Variants in SYNE2 observed in about 807,000 individuals in gnomAD.
The protein encoded by SYNE2 is spectrin repeat containing nuclear envelope protein 2, also known as nesprin-2.
A neutral mutation model predicts 856.3 loss-of-function variants in SYNE2; 431 were observed. That is an observed-to-expected ratio of 0.50 (90% CI 0.47 to 0.55). The LOEUF (loss-of-function observed/expected upper bound fraction) is 0.55, where lower values mean the gene tolerates loss of function less well. SYNE2 is among the 20% of genes least tolerant of loss of function. The pLI is 0.00. For missense variants in SYNE2, 8,129 were observed against 8,023.2 expected (o/e 1.01, Z -0.50); for synonymous variants, 2,923 against 2,872.3 (o/e 1.02, Z -0.56).
rs560595639 is a variant in SYNE2, at chr14:64,082,431, G to C, written c.11484+851G>C. On this transcript the variant is annotated intron_variant, in intron 57 of 115. Transcript: ENST00000555002. The stretch of plus-strand genomic sequence containing the variant: ...AATGCTTCTGGTCTCAAGCATTTCA[G>C]ATAAGGGCTACTCAGCCTGCAGCAG... Among the ~76,000 whole-genome samples, 824 of 151,692 alleles carry C rather than the reference G, an allele frequency of 5.4e-3. 10 individuals carry two copies. The highest frequency in any genetic ancestry group is 0.02 in the African/African-American group (804 of 41,130).
At chr14:64,111,312 T>C (rs1280849699) in intron 65 of SYNE2, among the ~76,000 whole-genome samples, 2 of 152,138 alleles carry the variant, frequency 1.3e-5, no homozygotes, top group Non-Finnish European at 2.9e-5. Flanking sequence ...TAGATTGTCT[T>C]AGATTAATTA....
At chr14:63,916,511 G>C (rs2095535282) in intron 2 of SYNE2, among the ~76,000 whole-genome samples, 1 of 152,050 alleles carries the variant, frequency 6.6e-6, no homozygotes, top group Admixed American at 6.5e-5. Flanking sequence ...GAATATTTTA[G>C]GTTTTCAATA....
chr14:64,037,585 C>A (rs1308717810), intron 45 of SYNE2, among the ~76,000 whole-genome samples: 2 of 151,908 alleles, frequency 1.3e-5, no homozygotes, highest in African/African-American at 2.4e-5. Flanking sequence ...CCCACCTTTC[C>A]CCCCTTTCTA....
chr14:64,061,203 T>G (rs1400443349), intron 49 of SYNE2, among the ~76,000 whole-genome samples: 1 of 152,234 alleles, frequency 6.6e-6, no homozygotes, highest in African/African-American at 2.4e-5. Context: ...TATTCAGCCA[T>G]CTTGCTCCTC....
Position 64,163,596 on chromosome 14 carries a change from T to G in SYNE2, c.16479+15T>G, listed in dbSNP as rs80199180. 3,776 of 1,613,814 alleles carry G rather than the reference T, an allele frequency of 2.3e-3. 144 individuals are homozygous for G. In the East Asian group the frequency reaches 0.07, roughly 30 times the overall value. Reference sequence around the variant, plus strand: ...ATGAATTTGAGGTTCATCTTTTCTTTCCATTCAAGTTTTAGTCTTAGACAT... The same window carrying G: ...ATGAATTTGAGGTTCATCTTTTCTTGCCATTCAAGTTTTAGTCTTAGACAT... On this transcript the variant is annotated intron_variant, in intron 89 of 115. Transcript: ENST00000555002.
intron 100 of SYNE2, 121 bp from the exon 101 acceptor site, chr14:64,208,637 A>G (rs1596235500): frequency 1.9e-6 from 2 of 1,028,916 alleles, no homozygotes; most frequent in East Asian, 4.9e-5. Flanking sequence ...CATGGTGGAA[A>G]TCCACCCAGG....
rs61091259 is a variant in SYNE2 at position 63,858,262 on chromosome 14, C to CTTTTTT, written c.-52+5146_-52+5151dup. Among the ~76,000 whole-genome samples the CTTTTTT allele has an allele frequency of 6.0e-4, 32 of 52,932 alleles. 1 individual carries two copies. The highest frequency in any genetic ancestry group is 7.3e-4 in the Non-Finnish European group (23 of 31,384). 34.7% of individuals were successfully genotyped at this position (52,932 alleles called of 152,430 possible). A position where few individuals can be genotyped will look rare whatever the true frequency, so the allele number is the denominator to read the frequency against. On this transcript the variant is annotated intron_variant, in intron 1 of 115. Transcript: ENST00000555002. ...TACAGGTGTGCGTCTCCACACCGGC[C>CTTTTTT]TTTTTTTTTTTTTTTTTTTTTTTTT...
chr14:63,843,044 T>C (rs1890121016), intron 1 of SYNE2, among the ~76,000 whole-genome samples: 1 of 152,146 alleles, frequency 6.6e-6, no homozygotes, highest in African/African-American at 2.4e-5. Context: ...TAATTTTTTT[T>C]TGAGATAGGG....
At chr14:64,094,319 G>A (rs978705649) in intron 61 of SYNE2, among the ~76,000 whole-genome samples, 15 of 151,762 alleles carry the variant, frequency 9.9e-5, no homozygotes, top group African/African-American at 3.6e-4. Context: ...GGGTGACAGA[G>A]TGAGACTCCG....
At chr14:64,202,018 C>A (rs1167379425) in intron 99 of SYNE2, among the ~76,000 whole-genome samples, 2 of 152,170 alleles carry the variant, frequency 1.3e-5, no homozygotes, top group East Asian at 3.9e-4. Context: ...ACATCACGTC[C>A]CCTTGACAGC....
intron 57 of SYNE2, chr14:64,087,454 T>A (rs1215467856): frequency 1.4e-6 from 1 of 709,570 alleles, no homozygotes; most frequent in African/African-American, 1.7e-5. Context: ...CAAGACCAAA[T>A]ATTTATGTTT....
At chr14:63,865,724 C>CCCCCCAA (rs1555352398) in intron 1 of SYNE2, among the ~76,000 whole-genome samples, 1 of 95,354 alleles carries the variant, frequency 1.0e-5, no homozygotes, top group Admixed American at 1.1e-4. Context: ...ACCCCCCCCC[C>CCCCCCAA]AAAAAAAAAG....
At chr14:64,036,905 G>A (rs2097094906) in intron 45 of SYNE2, among the ~76,000 whole-genome samples, 1 of 152,086 alleles carries the variant, frequency 6.6e-6, no homozygotes, top group African/African-American at 2.4e-5. Context: ...GTCTAGCTGG[G>A]TGGATACACA....
In SYNE2 at chr14:63,923,931, C is replaced by T. The variant is rs371087269; in HGVS notation, c.79+14704C>T. 1.1e-4 allele frequency among the ~76,000 whole-genome samples: 17 copies of T among 151,516 alleles called. No homozygotes were observed. In the South Asian group the frequency reaches 2.5e-3, roughly 22 times the overall value. ...CTTTCACTTCAGCTTCCTGAGTAGC[C>T]GGGACTACAGGTGTGTGCCACCACA... On this transcript the variant is annotated intron_variant, in intron 2 of 115. Coordinates refer to ENST00000555002, the MANE Select transcript of SYNE2 (RefSeq NM_182914.3).
At chr14:63,935,466 C>T (rs2095818954) in intron 2 of SYNE2, among the ~76,000 whole-genome samples, 1 of 152,158 alleles carries the variant, frequency 6.6e-6, no homozygotes, top group South Asian at 2.1e-4. Flanking sequence ...ATTCTTCAAC[C>T]AGAGCTCTTG....
chr14:64,149,135 T>C (rs1288164674), intron 84 of SYNE2, among the ~76,000 whole-genome samples: 1 of 150,288 alleles, frequency 6.7e-6, no homozygotes, highest in Non-Finnish European at 1.5e-5. Flanking sequence ...TAAGACCCAG[T>C]CTCTACCAAA....
Position 64,214,184 on chromosome 14 carries a change from T to A in SYNE2, c.19057-10T>A. 1 of 1,614,182 alleles carries A rather than the reference T, an allele frequency of 6.2e-7. No individual in the cohort carries two copies. Among genetic ancestry groups the A allele is most frequent in the Non-Finnish European group, 8.5e-7 (1 of 1,180,044 alleles). On this transcript the variant is annotated splice_polypyrimidine_tract_variant and intron_variant, in intron 105 of 115. Transcript: ENST00000555002. ...TTGATTAATTCTAACAACTGGATAC[T>A]GTGGTTTAGGGCTTGGAAGATGAAA...
intron 11 of SYNE2, among the ~76,000 whole-genome samples, chr14:63,968,259 T>C (rs1380999029): frequency 6.6e-6 from 1 of 152,170 alleles, no homozygotes; most frequent in African/African-American, 2.4e-5. Context: ...ACAGTGTAGA[T>C]GCTTCATCAG....
At chr14:64,098,324 C>A in intron 62 of SYNE2, 178 bp downstream of exon 62, 1 of 728,488 alleles carries the variant, frequency 1.4e-6, no homozygotes, top group Non-Finnish European at 2.4e-6. Flanking sequence ...TCAGGGTGTG[C>A]CTGTTCTGGA....
Sources: allele counts gnomAD v4.1 joint callset (sites outside exome capture counted in the v4.1 genomes callset), GRCh38; gene constraint gnomAD v4.1.1; transcripts MANE v1.5; gene names NCBI Gene and HGNC (gene_info 2026-07-23, HGNC 2026-07-21).